The following OCRL variants were observed in gnomAD, a reference collection of about 807,000 sequenced individuals.
The protein encoded by OCRL is OCRL inositol polyphosphate-5-phosphatase, also known as inositol polyphosphate 5-phosphatase OCRL.
OCRL carries 8 observed loss-of-function variants against 78.9 expected under a neutral mutation model. That is an observed-to-expected ratio of 0.10 (90% CI 0.06 to 0.18). OCRL has a LOEUF of 0.18. Among genes scored for constraint, OCRL ranks in the 10% least tolerant of loss-of-function variants. The pLI, the probability that OCRL is intolerant of heterozygous loss-of-function variation, is 1.00. For synonymous variants in OCRL, 240 were observed against 235.4 expected (o/e 1.02, Z -0.18); for missense variants, 454 against 696.7 (o/e 0.65, Z 3.92).
intron 2 of OCRL, among the ~76,000 whole-genome samples, chrX:129,542,905 G>T (rs979728174): frequency 7.2e-5 from 8 of 111,669 alleles, no homozygotes; most frequent in Non-Finnish European, 1.3e-4. Flanking sequence ...TAGGTCTGTG[G>T]TTCCTACTGT....
intron 18 of OCRL, among the ~76,000 whole-genome samples, chrX:129,579,356 C>T (rs757806532): frequency 9.0e-6 from 1 of 111,596 alleles, no homozygotes; most frequent in South Asian, 3.8e-4. Flanking sequence ...GACCCAATAT[C>T]GTATTTCAAA....
chrX:129,548,574 A>G lies in OCRL; in HGVS notation c.211A>G (p.Thr71Ala). ...TTTTCCCCTCTCAGAAGCAGAAGAA[A>G]CTCTTTTGATTGACATAGCTTCTAA... Reference protein sequence around the residue: ...HFRCVQEAEETLLIDIASNSG... With the variant: ...HFRCVQEAEEALLIDIASNSG... The change falls in exon 4 of 24, where the codon ACT becomes GCT. Residue 71 changes from threonine (T) to alanine (A), a missense_variant. Transcript: ENST00000371113. 8.3e-7 allele frequency: 1 copy of G among 1,203,979 alleles called. No individual in the cohort carries two copies. Among genetic ancestry groups the G allele is most frequent in the Non-Finnish European group, 1.1e-6 (1 of 889,335 alleles).
intron 3 of OCRL, among the ~76,000 whole-genome samples, chrX:129,547,494 C>A (rs1407270951): frequency 2.2e-5 from 2 of 92,615 alleles, no homozygotes; most frequent in Non-Finnish European, 4.1e-5. Flanking sequence ...CACTGCACTC[C>A]AGCCTGGGTG....
chrX:129,580,004 G>A (rs1159780457), intron 18 of OCRL, among the ~76,000 whole-genome samples: 3 of 112,073 alleles, frequency 2.7e-5, no homozygotes, highest in Non-Finnish European at 5.6e-5. Flanking sequence ...ATTAACAATA[G>A]GTTCCTTTCC....
chrX:129,560,062 T>G (rs1475543403), intron 8 of OCRL, among the ~76,000 whole-genome samples: 2 of 111,960 alleles, frequency 1.8e-5, no homozygotes, highest in Non-Finnish European at 3.8e-5. Flanking sequence ...CAGTCATGAG[T>G]TTTCCCTTCT....
intron 4 of OCRL, 81 bp downstream of exon 4, chrX:129,548,682 G>C: frequency 2.4e-6 from 2 of 848,053 alleles, no homozygotes. Flanking sequence ...ACACCTTTTG[G>C]GGCACATTTT....
At chrX:129,573,224 T>A (rs1936324919) in intron 15 of OCRL, among the ~76,000 whole-genome samples, 1 of 107,159 alleles carries the variant, frequency 9.3e-6, no homozygotes. Flanking sequence ...TTTTAAAAAA[T>A]TTTTATTTCA....
In OCRL at chrX:129,575,971, C is replaced by T. The variant is rs772489744; in HGVS notation, c.1788C>T (p.Pro596=). 2 of 1,211,319 alleles carry T rather than the reference C, an allele frequency of 1.7e-6. No individual in the cohort carries two copies. Among genetic ancestry groups the T allele is most frequent in the Non-Finnish European group, 2.2e-6 (2 of 895,013 alleles). The change falls in exon 17 of 24, where the codon CCC becomes CCT. Residue 596 remains proline (P), a synonymous_variant. Transcript: ENST00000371113. The stretch of plus-strand genomic sequence containing the variant: ...AGATCAGCAACAATGGACAGGTTCC[C>T]TGCCATTTTTCTTTCATCCCTAAAC... ...KFQISNNGQV[P]CHFSFIPKLN...
At chrX:129,569,076 A>G (rs781655810) in intron 14 of OCRL, among the ~76,000 whole-genome samples, 188 bp from the exon 15 acceptor site, 1 of 112,112 alleles carries the variant, frequency 8.9e-6, no homozygotes, top group African/African-American at 3.2e-5. Context: ...GTGGCAAACA[A>G]GCAAATACAG....
At chrX:129,550,274 C>T (rs963970108) in intron 4 of OCRL, among the ~76,000 whole-genome samples, 3 of 112,193 alleles carry the variant, frequency 2.7e-5, no homozygotes, top group African/African-American at 9.7e-5. Flanking sequence ...GTATTTCCTT[C>T]CAGTCTTTAT....
At chrX:129,571,213 C>T (rs1461122450) in intron 15 of OCRL, among the ~76,000 whole-genome samples, 1 of 111,359 alleles carries the variant, frequency 9.0e-6, no homozygotes, top group Non-Finnish European at 1.9e-5. Context: ...GCCCCTTTTT[C>T]TTCATTTGAA....
intron 14 of OCRL, among the ~76,000 whole-genome samples, chrX:129,567,978 A>G (rs1936241946): frequency 9.4e-6 from 1 of 106,415 alleles, no homozygotes; most frequent in African/African-American, 3.5e-5. Flanking sequence ...CAGTGGCGCA[A>G]TCTCGGCGCA....
At chrX:129,576,666 A>C in intron 18 of OCRL, 114 bp downstream of exon 18, 1 of 561,767 alleles carries the variant, frequency 1.8e-6, no homozygotes, top group Non-Finnish European at 3.0e-6. Context: ...GGGATGTCAA[A>C]TGATAAAGAA....
At chrX:129,583,249 A>G (rs907278609) in intron 18 of OCRL, among the ~76,000 whole-genome samples, 4 of 112,131 alleles carry the variant, frequency 3.6e-5, no homozygotes, top group Non-Finnish European at 7.5e-5. Context: ...TACTCTTTCC[A>G]TTAACCACGC....
At chrX:129,563,862 A>G (rs113270763) in intron 12 of OCRL, among the ~76,000 whole-genome samples, 3 of 110,287 alleles carry the variant, frequency 2.7e-5, no homozygotes, top group East Asian at 5.7e-4. Flanking sequence ...ACAAAAGCCA[A>G]AATTGACAAA....
chrX:129,547,411 A>G (rs145976855), intron 3 of OCRL, among the ~76,000 whole-genome samples: 2,471 of 106,513 alleles, frequency 0.023, 35 homozygotes, highest in Non-Finnish European at 0.036. Flanking sequence ...TGTAGTCCCA[A>G]CTACTCGGGA....
chrX:129,575,048 A>G, intron 15 of OCRL, 92 bp from the exon 16 acceptor site: 1 of 617,349 alleles, frequency 1.6e-6, no homozygotes. Flanking sequence ...TTAAATAGTT[A>G]CTGTAATGAC....
intron 16 of OCRL, chrX:129,575,515 A>G: frequency 7.7e-6 from 3 of 391,250 alleles, no homozygotes; most frequent in Non-Finnish European, 1.3e-5. Context: ...CTCTCAGAAC[A>G]GCACCCGGCA....
rs185311626 is a variant in OCRL at position 129,550,515 on chromosome X, T to G, written c.238+1914T>G. Among the ~76,000 whole-genome samples, 330 of 111,698 alleles carry G rather than the reference T, an allele frequency of 3.0e-3. 1 individual carries two copies. Among genetic ancestry groups the G allele is most frequent in the Middle Eastern group, 4.6e-3 (1 of 216 alleles). On this transcript the variant is annotated intron_variant, in intron 4 of 23. Coordinates refer to ENST00000371113, the MANE Select transcript of OCRL (RefSeq NM_000276.4). ...TTTTTTTCAGGTCCTCTTTTATATCTTTCAATAAAATTTTATAGTTTCTTA... is the reference window on the plus strand; with the variant it reads ...TTTTTTTCAGGTCCTCTTTTATATCGTTCAATAAAATTTTATAGTTTCTTA...
Sources: allele counts gnomAD v4.1 joint callset (sites outside exome capture counted in the v4.1 genomes callset), GRCh38; gene constraint gnomAD v4.1.1; transcripts MANE v1.5; gene names NCBI Gene and HGNC (gene_info 2026-07-23, HGNC 2026-07-21).